Variants in ARHGAP28 observed in about 807,000 individuals in gnomAD.
The protein encoded by ARHGAP28 is Rho GTPase activating protein 28, also known as rho GTPase-activating protein 28.
Under a neutral mutation model 90.7 loss-of-function variants are expected in ARHGAP28, and 56 were observed. The observed-to-expected ratio is 0.62, with a 90% confidence interval of 0.50 to 0.77. The LOEUF (loss-of-function observed/expected upper bound fraction) is 0.77, where lower values mean the gene tolerates loss of function less well. Among genes scored for constraint, ARHGAP28 ranks in the 30% least tolerant of loss-of-function variants. ARHGAP28 has a pLI of 0.00. For synonymous variants in ARHGAP28, 308 were observed against 323.3 expected (o/e 0.95, Z 0.51); for missense variants, 869 against 900.9 (o/e 0.96, Z 0.45).
chr18:6,875,241 G>A (rs1226334039), intron 9 of ARHGAP28, among the ~76,000 whole-genome samples: 1 of 152,172 alleles, frequency 6.6e-6, no homozygotes, highest in African/African-American at 2.4e-5. Context: ...TATTACTACT[G>A]GATGTTAAGT....
chr18:6,880,430 A>G (rs902113491), intron 10 of ARHGAP28, among the ~76,000 whole-genome samples: 1 of 151,856 alleles, frequency 6.6e-6, no homozygotes, highest in African/African-American at 2.4e-5. Flanking sequence ...CACCCACCCG[A>G]CCTATGCCAA....
intron 16 of ARHGAP28, chr18:6,898,736 C>G: frequency 7.7e-7 from 1 of 1,297,726 alleles, no homozygotes; most frequent in South Asian, 2.8e-5. Context: ...TGCAGAGAGA[C>G]TCAAATCTTT....
chr18:6,815,132 G>A (rs764482073), intron 1 of ARHGAP28, among the ~76,000 whole-genome samples: 10 of 152,154 alleles, frequency 6.6e-5, no homozygotes, highest in Non-Finnish European at 1.2e-4. Flanking sequence ...TATATGTCAA[G>A]CTTATAAATT....
At chr18:6,823,601 ATTTTTTT>A (rs141094607) in intron 1 of ARHGAP28, among the ~76,000 whole-genome samples, 5 of 130,062 alleles carry the variant, frequency 3.8e-5, no homozygotes, top group African/African-American at 1.1e-4. Context: ...GTGGCTCTTA[ATTTTTTT>A]TTTTTTTTTT....
Position 6,867,235 on chromosome 18 carries a change from C to T in ARHGAP28, c.727-915C>T, listed in dbSNP as rs563849964. Among the ~76,000 whole-genome samples the T allele has an allele frequency of 4.6e-5, 7 of 152,116 alleles. No individual in the cohort carries two copies. In the East Asian group the frequency reaches 7.7e-4, roughly 17 times the overall value. On this transcript the variant is annotated intron_variant, in intron 5 of 17. Coordinates refer to ENST00000383472, the MANE Select transcript of ARHGAP28 (RefSeq NM_001366230.1). Reference sequence around the variant, plus strand: ...AGGCTCAGAATTCAAGACCCCTTTGCGCAACTTGTAGTACATGATAAAAGA... The same window carrying T: ...AGGCTCAGAATTCAAGACCCCTTTGTGCAACTTGTAGTACATGATAAAAGA...
In ARHGAP28 at chr18:6,914,105, A is replaced by C. The variant is rs943084132; in HGVS notation, c.*1951A>C. On this transcript the variant is annotated 3_prime_UTR_variant, in exon 18 of 18. Transcript: ENST00000383472. The stretch of plus-strand genomic sequence containing the variant: ...GTTGTGTTTATGTAGAAAATTCACA[A>C]ATCTGTTCATTTAATTTTTTAATTT... 2.6e-5 allele frequency: 4 copies of C among 152,162 alleles called. No homozygotes were observed. The highest frequency in any genetic ancestry group is 9.7e-5 in the African/African-American group (4 of 41,446). 9.4% of individuals were successfully genotyped at this position (152,162 alleles called of 1,614,324 possible).
At chr18:6,844,591 C>T (rs777413617) in intron 3 of ARHGAP28, among the ~76,000 whole-genome samples, 2 of 152,096 alleles carry the variant, frequency 1.3e-5, no homozygotes, top group East Asian at 1.9e-4. Flanking sequence ...AATTAAATTT[C>T]GGAAACATAA....
intron 1 of ARHGAP28, among the ~76,000 whole-genome samples, chr18:6,820,681 G>A (rs529963702): frequency 1.0e-3 from 152 of 152,260 alleles, no homozygotes; most frequent in African/African-American, 3.5e-3. Flanking sequence ...TCAAAGAATT[G>A]TAACTGACTC....
Position 6,912,579 on chromosome 18 carries a change from A to C in ARHGAP28, c.*425A>C, listed in dbSNP as rs1176865309. Reference sequence around the variant, plus strand: ...ATGTACATATATTGACTTTTTGAGCAAGAATGCCAGAAATAGCCTTCATTT... The same window carrying C: ...ATGTACATATATTGACTTTTTGAGCCAGAATGCCAGAAATAGCCTTCATTT... On this transcript the variant is annotated 3_prime_UTR_variant, in exon 18 of 18. Transcript: ENST00000383472. 1 of 152,424 alleles carries C rather than the reference A, an allele frequency of 6.6e-6. No homozygotes were observed. Among genetic ancestry groups the C allele is most frequent in the African/African-American group, 2.4e-5 (1 of 41,460 alleles). The allele number at this position is 152,424 out of a possible 1,614,324, so 9.4% of individuals were successfully genotyped here. A position where few individuals can be genotyped will look rare whatever the true frequency, so the allele number is the denominator to read the frequency against.
intron 1 of ARHGAP28, among the ~76,000 whole-genome samples, chr18:6,775,789 C>T (rs2056278855): frequency 1.3e-5 from 2 of 152,114 alleles, no homozygotes; most frequent in Non-Finnish European, 2.9e-5. Flanking sequence ...AATTACTGCT[C>T]CCCTCCCATG....
chr18:6,794,746 GAT>G (rs1231922879), intron 1 of ARHGAP28, among the ~76,000 whole-genome samples: 1 of 152,092 alleles, frequency 6.6e-6, no homozygotes, highest in Admixed American at 6.5e-5. Context: ...CAGTGACACA[GAT>G]CATAGCTCAC....
intron 12 of ARHGAP28, among the ~76,000 whole-genome samples, chr18:6,887,513 G>A (rs1306534150): frequency 2.7e-5 from 4 of 150,800 alleles, no homozygotes; most frequent in African/African-American, 4.9e-5. Flanking sequence ...TCACTGCAGC[G>A]TTGACTTCCC....
intron 4 of ARHGAP28, among the ~76,000 whole-genome samples, chr18:6,854,360 A>G (rs1030776786): frequency 4.0e-5 from 6 of 151,802 alleles, no homozygotes; most frequent in Non-Finnish European, 7.4e-5. Context: ...ATTTATTTTG[A>G]ACTTATTGCT....
At chr18:6,827,529 A>G (rs1225254285) in intron 2 of ARHGAP28, among the ~76,000 whole-genome samples, 56 of 94,114 alleles carry the variant, frequency 6.0e-4, no homozygotes, top group Middle Eastern at 9.3e-3. Context: ...GGGGCGGCTG[A>G]CCGGGCGGGG....
chr18:6,894,883 A>G lies in ARHGAP28; in HGVS notation c.1897A>G (p.Arg633Gly), dbSNP rs772023309. 1 of 1,614,094 alleles carries G rather than the reference A, an allele frequency of 6.2e-7. No homozygotes were observed. Reference protein sequence around the residue: ...SKVLQKSPSARRMSDVPEGVI... With the variant: ...SKVLQKSPSAGRMSDVPEGVI... Reference sequence around the variant, plus strand: ...GGTACTGCAAAAATCACCCTCGGCAAGACGAATGGTAAGAAAAATAATTTC... The same window carrying G: ...GGTACTGCAAAAATCACCCTCGGCAGGACGAATGGTAAGAAAAATAATTTC... The change falls in exon 15 of 18, where the codon AGA (arginine) becomes GGA (glycine). Residue 633 changes from arginine (R) to glycine (G), a missense_variant. Physicochemically the swap from Arg to Gly is moderately radical, Grantham distance 125 (BLOSUM62 -2). Transcript: ENST00000383472.
At chr18:6,833,233 A>G (rs973494501) in intron 2 of ARHGAP28, among the ~76,000 whole-genome samples, 1 of 152,078 alleles carries the variant, frequency 6.6e-6, no homozygotes, top group Admixed American at 6.6e-5. Context: ...ATGTATATAT[A>G]CATACACACT....
intron 1 of ARHGAP28, among the ~76,000 whole-genome samples, chr18:6,742,169 C>T (rs908075077): frequency 1.4e-5 from 2 of 138,746 alleles, no homozygotes; most frequent in Admixed American, 7.4e-5. Context: ...TTTTCTTTTT[C>T]TTTTTTTTTT....
chr18:6,832,528 A>AT, intron 2 of ARHGAP28, among the ~76,000 whole-genome samples: 1 of 151,810 alleles, frequency 6.6e-6, no homozygotes, highest in East Asian at 1.9e-4. Context: ...GTATTTGTCT[A>AT]TTTTTTCCTT....
chr18:6,813,618 A>G (rs1482923083), intron 1 of ARHGAP28, among the ~76,000 whole-genome samples: 1 of 152,106 alleles, frequency 6.6e-6, no homozygotes, highest in Non-Finnish European at 1.5e-5. Context: ...CATTAAGGGG[A>G]CAAAAAGGAT....
Sources: allele counts gnomAD v4.1 joint callset (sites outside exome capture counted in the v4.1 genomes callset), GRCh38; gene constraint gnomAD v4.1.1; transcripts MANE v1.5; gene names NCBI Gene and HGNC (gene_info 2026-07-23, HGNC 2026-07-21).